PIAS2: variants seen among roughly 807,000 people sequenced by gnomAD.
PIAS2 encodes E3 SUMO-protein ligase PIAS2.
In PIAS2, 19 loss-of-function variants were observed where a neutral mutation model predicts 69.7. That is an observed-to-expected ratio of 0.27 (90% confidence interval 0.19 to 0.40). The LOEUF is 0.40. Among genes scored for constraint, PIAS2 ranks in the 10% least tolerant of loss-of-function variants. PIAS2 has a pLI of 1.00. For missense variants in PIAS2, 624 were observed against 757.0 expected, an observed-to-expected ratio of 0.82 and a Z score of 2.06; for synonymous variants, 261 against 263.2, an observed-to-expected ratio of 0.99 and a Z score of 0.08.
intron 1 of PIAS2, chr18:46,893,432 TA>T: frequency 1.0e-6 from 1 of 973,134 alleles, no homozygotes; most frequent in Non-Finnish European, 1.2e-6. Flanking sequence ...TCATCCTACC[TA>T]AGCTTGACTC....
intron 2 of PIAS2, among the ~76,000 whole-genome samples, chr18:46,869,891 T>C (rs1057113848): frequency 6.6e-6 from 1 of 152,110 alleles, no homozygotes; most frequent in East Asian, 1.9e-4. Context: ...CAGGGACCCA[T>C]CCTTCTTTAC....
intron 12 of PIAS2, among the ~76,000 whole-genome samples, chr18:46,819,632 C>T (rs930721682): frequency 2.6e-5 from 4 of 151,906 alleles, no homozygotes; most frequent in African/African-American, 9.7e-5. Flanking sequence ...AAAGACCTCA[C>T]TAAGGGGAGA....
rs977540273 is a variant in PIAS2 at position 46,803,496 on chromosome 18, C to T, written c.*8937G>A. 1 of 152,174 alleles carries T rather than the reference C, an allele frequency of 6.6e-6. No homozygotes were observed. Among genetic ancestry groups the T allele is most frequent in the African/African-American group, 2.4e-5 (1 of 41,432 alleles). 9.4% of individuals were successfully genotyped at this position (152,174 alleles called of 1,614,324 possible). A position where few individuals can be genotyped will look rare whatever the true frequency, so the allele number is the denominator to read the frequency against. On this transcript the variant is annotated 3_prime_UTR_variant, in exon 14 of 14. Transcript: ENST00000585916. ...AGTCTTCTTTTCTCACTCATCAACT[C>T]CTCTGGATGAGTTCATCCACTTTCA...
chr18:46,817,874 A>T (rs985692597), intron 12 of PIAS2: 1 of 973,920 alleles, frequency 1.0e-6, no homozygotes. Flanking sequence ...TAAAACTCTT[A>T]TATAAAATCA....
At chr18:46,903,935 T>C (rs180683786) in intron 1 of PIAS2, among the ~76,000 whole-genome samples, 3 of 152,216 alleles carry the variant, frequency 2.0e-5, no homozygotes, top group Non-Finnish European at 4.4e-5. Context: ...ATTTCCAGAA[T>C]TATGCTGAAT....
At chr18:46,841,965 A>C (rs1182923040) in intron 8 of PIAS2, among the ~76,000 whole-genome samples, 1 of 152,174 alleles carries the variant, frequency 6.6e-6, no homozygotes, top group Non-Finnish European at 1.5e-5. Flanking sequence ...GAGATGGCTC[A>C]TGCCTGTAAT....
At chr18:46,843,983 C>T in intron 8 of PIAS2, 71 bp downstream of exon 8, 3 of 873,462 alleles carry the variant, frequency 3.4e-6, no homozygotes. Flanking sequence ...CATTCCCACA[C>T]TTACTTTTAT....
rs2040566968 is a variant in PIAS2 at position 46,803,670 on chromosome 18, G to C, written c.*8763C>G. 2 of 152,186 alleles carry C rather than the reference G, an allele frequency of 1.3e-5. No homozygotes were observed. The highest frequency in any genetic ancestry group is 1.9e-4 in the East Asian group (1 of 5,204). The allele number at this position is 152,186 out of a possible 1,614,324, so 9.4% of individuals were successfully genotyped here. On this transcript the variant is annotated 3_prime_UTR_variant, in exon 14 of 14. Coordinates refer to ENST00000585916, the MANE Select transcript of PIAS2 (RefSeq NM_004671.5). Reference sequence around the variant, plus strand: ...AATAATGATTTGGGTCAGGTGGCTAGCCATCACAGTGAGGATAAATTATGT... The same window carrying C: ...AATAATGATTTGGGTCAGGTGGCTACCCATCACAGTGAGGATAAATTATGT...
At chr18:46,917,560 G>T, upstream of PIAS2, 1 of 1,109,090 alleles carries the variant, frequency 9.0e-7, no homozygotes, top group Non-Finnish European at 1.1e-6. Flanking sequence ...CCCTAGCGGT[G>T]CCCCCTGCCC....
intron 2 of PIAS2, among the ~76,000 whole-genome samples, chr18:46,874,487 G>A (rs1223044796): frequency 6.6e-6 from 1 of 152,094 alleles, no homozygotes; most frequent in Non-Finnish European, 1.5e-5. Flanking sequence ...CATACCCCCT[G>A]GCACTCACCT....
intron 1 of PIAS2, 59 bp from the exon 2 acceptor site, chr18:46,891,113 T>G (rs1598883683): frequency 1.6e-6 from 2 of 1,214,318 alleles, no homozygotes; most frequent in East Asian, 4.7e-5. Flanking sequence ...AAAAATCCTA[T>G]CTAAAATATA....
chr18:46,803,724 GTGT>G lies in PIAS2; in HGVS notation c.*8706_*8708del, dbSNP rs1296670458. On this transcript the variant is annotated 3_prime_UTR_variant, in exon 14 of 14. Coordinates refer to ENST00000585916, the MANE Select transcript of PIAS2 (RefSeq NM_004671.5). ...CAATTATATTGTAGCACTCTGTGTAGTGTACCTGACCCAGATAAGGTGGTCCTC... is the reference window on the plus strand; with the variant it reads ...CAATTATATTGTAGCACTCTGTGTAGACCTGACCCAGATAAGGTGGTCCTC... 6.6e-6 allele frequency: 1 copy of G among 152,206 alleles called. No individual in the cohort carries two copies. Among genetic ancestry groups the G allele is most frequent in the Non-Finnish European group, 1.5e-5 (1 of 68,032 alleles). The allele number at this position is 152,206 out of a possible 1,614,324, so 9.4% of individuals were successfully genotyped here. A position where few individuals can be genotyped will look rare whatever the true frequency, so the allele number is the denominator to read the frequency against.
chr18:46,849,613 A>T (rs2046668720), intron 5 of PIAS2, among the ~76,000 whole-genome samples: 1 of 152,160 alleles, frequency 6.6e-6, no homozygotes, highest in Admixed American at 6.5e-5. Context: ...ACCCTACCCT[A>T]CTTGCAACTG....
intron 2 of PIAS2, among the ~76,000 whole-genome samples, chr18:46,886,776 C>T (rs867274161): frequency 5.3e-5 from 8 of 151,872 alleles, no homozygotes; most frequent in Admixed American, 1.3e-4. Context: ...AAGTGGAGGC[C>T]GCAGTGAGCC....
Position 46,890,806 on chromosome 18 carries a change from A to C in PIAS2, c.273T>G (p.Pro91=). ...SVFSLDGGSS[P]VEPDLAVAGI... ...CAGCCACGGCCAAGTCAGGTTCTAC[A>C]GGTGATGAGCCACCATCCAAACTGA... The change falls in exon 2 of 14, where the codon CCT becomes CCG. Residue 91 remains proline, a synonymous_variant. Transcript: ENST00000585916. 1 of 1,614,224 alleles carries C rather than the reference A, an allele frequency of 6.2e-7. No individual in the cohort carries two copies. The highest frequency in any genetic ancestry group is 8.5e-7 in the Non-Finnish European group (1 of 1,180,032).
chr18:46,816,109 C>T, intron 12 of PIAS2: 1 of 984,960 alleles, frequency 1.0e-6, no homozygotes, highest in Non-Finnish European at 1.2e-6. Flanking sequence ...TGTGACTAAA[C>T]TCTCTTTAAT....
chr18:46,850,952 A>G (rs936468214), intron 5 of PIAS2, among the ~76,000 whole-genome samples: 1 of 152,214 alleles, frequency 6.6e-6, no homozygotes, highest in Non-Finnish European at 1.5e-5. Flanking sequence ...TAGTATAATT[A>G]TTATAAGCAC....
intron 5 of PIAS2, among the ~76,000 whole-genome samples, chr18:46,848,477 C>G (rs2046468992): frequency 6.6e-6 from 1 of 152,156 alleles, no homozygotes; most frequent in African/African-American, 2.4e-5. Flanking sequence ...TAAGACACTT[C>G]TGGATTTCGG....
chr18:46,890,587 C>T lies in PIAS2; in HGVS notation c.492G>A (p.Thr164=), dbSNP rs765793801. The T allele has an allele frequency of 5.3e-5, 85 of 1,601,986 alleles. No homozygotes were observed. The highest frequency in any genetic ancestry group is 6.6e-5 in the South Asian group (6 of 90,590). The change falls in exon 2 of 14, where the codon ACG becomes ACA. Residue 164 remains threonine (T), a synonymous_variant. Coordinates refer to ENST00000585916, the MANE Select transcript of PIAS2 (RefSeq NM_004671.5). The part of the protein sequence containing the change: ...YDVLDVLIKP[T]SLVQSSIQRF... ...GAATTCTCAAACACTTACCTAAACT[C>T]GTGGGCTTGATGAGAACATCAAGGA...
Sources: gnomAD v4.1 joint callset for allele counts (sites outside exome capture counted in the v4.1 genomes callset) on GRCh38, gnomAD v4.1.1 for gene constraint, MANE v1.5 for transcripts, NCBI Gene and HGNC (gene_info 2026-07-23, HGNC 2026-07-21) for gene names.